Variants in PIK3R1 observed in about 807,000 individuals in gnomAD.
PIK3R1 encodes the protein phosphatidylinositol 3-kinase regulatory subunit alpha.
PIK3R1 carries 29 observed loss-of-function variants against 98.0 expected under a neutral mutation model. The observed-to-expected ratio is 0.30, with a 90% CI of 0.22 to 0.40. The LOEUF (loss-of-function observed/expected upper bound fraction) is 0.40. PIK3R1 is among the 10% of genes least tolerant of loss of function. The probability of loss-of-function intolerance (pLI) is 1.00; values close to 1 mark genes in which losing one functional copy is unlikely to be tolerated. For synonymous variants in PIK3R1, 282 were observed against 311.8 expected (o/e 0.90, Z 1.01); for missense variants, 596 against 872.7 (o/e 0.68, Z 3.99).
At chr5:68,277,708 C>T (rs1431483397) in intron 4 of PIK3R1, among the ~76,000 whole-genome samples, 1 of 152,162 alleles carries the variant, frequency 6.6e-6, no homozygotes, top group Admixed American at 6.5e-5. Context: ...AACTTTCATA[C>T]TTCCTCATTC....
At chr5:68,284,907 A>G (rs1432884655) in intron 7 of PIK3R1, among the ~76,000 whole-genome samples, 1 of 152,246 alleles carries the variant, frequency 6.6e-6, no homozygotes, top group Non-Finnish European at 1.5e-5. Flanking sequence ...AAGGTAGGGC[A>G]CAGAGTAAGC....
At chr5:68,236,526 G>A (rs1029072712) in intron 2 of PIK3R1, among the ~76,000 whole-genome samples, 1 of 151,550 alleles carries the variant, frequency 6.6e-6, no homozygotes, top group African/African-American at 2.4e-5. Context: ...TGGGATTGCA[G>A]GCATGAGCCA....
At chr5:68,295,672 C>A (rs530591366) in intron 14 of PIK3R1, 184 bp downstream of exon 14, 1 of 609,316 alleles carries the variant, frequency 1.6e-6, no homozygotes, top group East Asian at 2.8e-5. Context: ...CTAAGGAGGA[C>A]TAGGATTTAT....
chr5:68,260,688 A>G (rs1237440946), intron 2 of PIK3R1, among the ~76,000 whole-genome samples: 2 of 152,176 alleles, frequency 1.3e-5, no homozygotes, highest in African/African-American at 4.8e-5. Context: ...TCATGACTCA[A>G]GGAAATAACC....
chr5:68,222,892 G>A (rs1744139890), intron 1 of PIK3R1, among the ~76,000 whole-genome samples: 1 of 152,090 alleles, frequency 6.6e-6, no homozygotes, highest in South Asian at 2.1e-4. Flanking sequence ...GCCTGGATCT[G>A]AATTCTAGTT....
chr5:68,229,484 T>A (rs1277227452), intron 2 of PIK3R1, among the ~76,000 whole-genome samples: 1 of 152,218 alleles, frequency 6.6e-6, no homozygotes, highest in East Asian at 1.9e-4. Context: ...GTTTTTCATG[T>A]TATGCTGTGT....
intron 2 of PIK3R1, among the ~76,000 whole-genome samples, chr5:68,248,472 A>T (rs147072069): frequency 4.3e-4 from 66 of 152,362 alleles, no homozygotes; most frequent in African/African-American, 1.3e-3. Context: ...AATTAAGATT[A>T]CCAAAGATTA....
At chr5:68,240,337 G>A (rs1744827434) in intron 2 of PIK3R1, among the ~76,000 whole-genome samples, 1 of 152,204 alleles carries the variant, frequency 6.6e-6, no homozygotes, top group Non-Finnish European at 1.5e-5. Context: ...GGCATTATGT[G>A]TACAGTTATA....
chr5:68,264,839 C>A (rs555932778), intron 2 of PIK3R1, among the ~76,000 whole-genome samples: 1 of 152,178 alleles, frequency 6.6e-6, no homozygotes, highest in Non-Finnish European at 1.5e-5. Context: ...GTGCACAGGG[C>A]AGCAGAGCTC....
chr5:68,232,095 A>G (rs1258995103), intron 2 of PIK3R1, among the ~76,000 whole-genome samples: 1 of 152,236 alleles, frequency 6.6e-6, no homozygotes, highest in Non-Finnish European at 1.5e-5. Context: ...ATAATTGATT[A>G]AAGAGTGTGT....
At chr5:68,278,650 G>A (rs762766149) in intron 4 of PIK3R1, among the ~76,000 whole-genome samples, 28 of 152,124 alleles carry the variant, frequency 1.8e-4, no homozygotes, top group African/African-American at 6.5e-4. Flanking sequence ...GGCTTAAAAC[G>A]CAGAAACTTG....
At chr5:68,225,361 G>A (rs985046427) in intron 1 of PIK3R1, among the ~76,000 whole-genome samples, 2 of 152,012 alleles carry the variant, frequency 1.3e-5, no homozygotes, top group African/African-American at 4.8e-5. Context: ...ACAGACCAGG[G>A]TTTCATCAGC....
At chr5:68,270,844 A>G (rs147764216) in intron 2 of PIK3R1, among the ~76,000 whole-genome samples, 1 of 152,314 alleles carries the variant, frequency 6.6e-6, no homozygotes, top group Non-Finnish European at 1.5e-5. Flanking sequence ...AGTTGATATT[A>G]AGGCAAAGGG....
chr5:68,227,080 G>A, intron 2 of PIK3R1, 71 bp downstream of exon 2: 2 of 1,393,574 alleles, frequency 1.4e-6, no homozygotes, highest in Non-Finnish European at 2.0e-6. Flanking sequence ...TTAAGTTTGG[G>A]TTGAGTCGTT....
chr5:68,238,404 G>A (rs1345918880), intron 2 of PIK3R1, among the ~76,000 whole-genome samples: 2 of 152,146 alleles, frequency 1.3e-5, no homozygotes, highest in Non-Finnish European at 2.9e-5. Context: ...TGAAAGAAGA[G>A]TAGACCTCCA....
chr5:68,216,162 G>A (rs1250000825), intron 1 of PIK3R1, among the ~76,000 whole-genome samples: 2 of 152,150 alleles, frequency 1.3e-5, no homozygotes, highest in Non-Finnish European at 1.5e-5. Context: ...CCGGCGTCCT[G>A]TGAGATCCCC....
chr5:68,257,371 AC>A (rs1325134004), intron 2 of PIK3R1, among the ~76,000 whole-genome samples: 2 of 151,976 alleles, frequency 1.3e-5, no homozygotes, highest in African/African-American at 2.4e-5. Flanking sequence ...TGTTCTTTTT[AC>A]CCCTTTGGCT....
At chr5:68,222,303 T>C (rs1744119039) in intron 1 of PIK3R1, among the ~76,000 whole-genome samples, 1 of 152,266 alleles carries the variant, frequency 6.6e-6, no homozygotes, top group South Asian at 2.1e-4. Context: ...TCTGCAGTAC[T>C]GTGAAGAATT....
At chr5:68,273,574 T>G in intron 3 of PIK3R1, 92 bp downstream of exon 3, 1 of 1,089,240 alleles carries the variant, frequency 9.2e-7, no homozygotes, top group African/African-American at 1.5e-5. Context: ...TTAAGTAAAT[T>G]TCCTACTACC....
Sources: allele counts gnomAD v4.1 joint callset (sites outside exome capture counted in the v4.1 genomes callset), GRCh38; gene constraint gnomAD v4.1.1; transcripts MANE v1.5; gene names NCBI Gene and HGNC (gene_info 2026-07-23, HGNC 2026-07-21).